The following GFRA1 variants were observed in gnomAD, a reference collection of about 807,000 sequenced individuals.
The protein encoded by GFRA1 is GDNF family receptor alpha-1.
In GFRA1, 16 loss-of-function variants were observed where a neutral mutation model predicts 51.6. The ratio of observed to expected loss-of-function variants is 0.31; its 90% CI spans 0.21 to 0.47. The LOEUF (loss-of-function observed/expected upper bound fraction) is 0.47. GFRA1 is among the 20% of genes least tolerant of loss of function. The pLI is 1.00. For synonymous variants in GFRA1, 270 were observed against 241.3 expected (o/e 1.12, Z -1.10); for missense variants, 530 against 594.3 (o/e 0.89, Z 1.13).
chr10:116,082,470 GT>G (rs200376732), intron 9 of GFRA1, among the ~76,000 whole-genome samples: 4 of 121,022 alleles, frequency 3.3e-5, no homozygotes, highest in Admixed American at 1.5e-4. Flanking sequence ...CCTTGCTTTT[GT>G]TTTTTTTGTT....
intron 10 of GFRA1, 74 bp downstream of exon 10, chr10:116,065,499 T>G: frequency 8.3e-7 from 1 of 1,205,242 alleles, no homozygotes; most frequent in Non-Finnish European, 1.2e-6. Context: ...ATGCTTTATA[T>G]GATACCCTGC....
At position 116,271,685 on chromosome 10, in the gene GFRA1, G is replaced by A. The variant is rs533279126; in HGVS notation, c.40+305C>T. On this transcript the variant is annotated intron_variant, in intron 2 of 10. Transcript: ENST00000355422. Reference sequence around the variant, plus strand: ...CTCCACCTGCCCGCCGCGGCTCCGCGAGCTCCCAGAGACTCTCTGGGGGTG... The same window carrying A: ...CTCCACCTGCCCGCCGCGGCTCCGCAAGCTCCCAGAGACTCTCTGGGGGTG... 3.3e-5 allele frequency among the ~76,000 whole-genome samples: 5 copies of A among 152,286 alleles called. No individual in the cohort carries two copies. The East Asian group carries it at 9.7e-4, about 30-fold the overall frequency.
chr10:116,225,405 C>T (rs1423427226), intron 4 of GFRA1, among the ~76,000 whole-genome samples: 4 of 151,328 alleles, frequency 2.6e-5, no homozygotes, highest in South Asian at 2.1e-4. Flanking sequence ...TGTGGTGGCA[C>T]GCACTTATAG....
intron 6 of GFRA1, among the ~76,000 whole-genome samples, chr10:116,119,871 CCAACTAA>C (rs1421486956): frequency 2.6e-5 from 4 of 152,244 alleles, no homozygotes; most frequent in Admixed American, 2.6e-4. Flanking sequence ...GCCTGATCGA[CCAACTAA>C]CAACATTACA....
At chr10:116,098,285 C>T (rs3824836) in intron 6 of GFRA1, among the ~76,000 whole-genome samples, 5,927 of 152,270 alleles carry the variant, frequency 0.039, 301 homozygotes, top group East Asian at 0.19. Flanking sequence ...CTGGGGTGTG[C>T]GCGTGTGTAC....
At chr10:116,110,711 C>T (rs372679913) in intron 6 of GFRA1, among the ~76,000 whole-genome samples, 2 of 152,184 alleles carry the variant, frequency 1.3e-5, no homozygotes, top group East Asian at 1.9e-4. Flanking sequence ...GGCAACAAAC[C>T]GTTCAATTAC....
chr10:116,173,028 C>A (rs1018405956), intron 5 of GFRA1, among the ~76,000 whole-genome samples: 3 of 152,224 alleles, frequency 2.0e-5, no homozygotes, highest in African/African-American at 7.2e-5. Flanking sequence ...CAACAGTAAT[C>A]TGGATACAGA....
At chr10:116,119,230 G>T (rs1957549620) in intron 6 of GFRA1, among the ~76,000 whole-genome samples, 1 of 152,168 alleles carries the variant, frequency 6.6e-6, no homozygotes, top group East Asian at 1.9e-4. Flanking sequence ...AGCAGCAGAT[G>T]TCAGAGAACC....
intron 5 of GFRA1, among the ~76,000 whole-genome samples, chr10:116,183,450 T>C (rs1162345528): frequency 6.6e-6 from 1 of 152,222 alleles, no homozygotes; most frequent in Non-Finnish European, 1.5e-5. Context: ...AGAGGTTCAC[T>C]TCCTCAAAAT....
At chr10:116,179,537 T>C (rs976107056) in intron 5 of GFRA1, among the ~76,000 whole-genome samples, 32 of 152,208 alleles carry the variant, frequency 2.1e-4, no homozygotes, top group African/African-American at 7.7e-4. Context: ...GGTGTTCTCG[T>C]TCCAGAATCC....
Position 116,061,391 on chromosome 10 carries a change from A to C in GFRA1, c.*3007T>G, listed in dbSNP as rs559111263. 1 of 152,302 alleles carries C rather than the reference A, an allele frequency of 6.6e-6. No individual in the cohort carries two copies. The highest frequency in any genetic ancestry group is 6.5e-5 in the Admixed American group (1 of 15,292). 9.4% of individuals were successfully genotyped at this position (152,302 alleles called of 1,614,324 possible). On this transcript the variant is annotated 3_prime_UTR_variant, in exon 11 of 11. Transcript: ENST00000355422. ...AAAAATCAGGTATGGAAAAATAAAT[A>C]TGTAATTGGCATTCTCAATTCCTTC... is the stretch of plus-strand genomic sequence containing the variant.
chr10:116,158,933 A>G (rs1959450573), intron 5 of GFRA1, among the ~76,000 whole-genome samples: 1 of 152,218 alleles, frequency 6.6e-6, no homozygotes, highest in Non-Finnish European at 1.5e-5. Flanking sequence ...CACAGCACAC[A>G]GACTGGACCC....
intron 6 of GFRA1, among the ~76,000 whole-genome samples, chr10:116,112,928 C>T (rs576301220): frequency 6.6e-6 from 1 of 152,312 alleles, no homozygotes; most frequent in African/African-American, 2.4e-5. Context: ...CTTGGTTCAA[C>T]GAGACCTCAG....
At chr10:116,073,698 G>T (rs1262879613) in intron 9 of GFRA1, among the ~76,000 whole-genome samples, 1 of 152,142 alleles carries the variant, frequency 6.6e-6, no homozygotes, top group Non-Finnish European at 1.5e-5. Context: ...ATTCATTGTT[G>T]TCCCTGATGA....
intron 9 of GFRA1, among the ~76,000 whole-genome samples, chr10:116,071,774 G>A (rs904875187): frequency 2.6e-5 from 4 of 152,130 alleles, no homozygotes; most frequent in African/African-American, 9.7e-5. Context: ...ACTTAGAAAT[G>A]GTATGTCTAT....
intron 6 of GFRA1, among the ~76,000 whole-genome samples, chr10:116,120,388 T>G (rs965915228): frequency 3.3e-5 from 5 of 151,978 alleles, no homozygotes; most frequent in East Asian, 1.9e-4. Flanking sequence ...CTGGGCAACA[T>G]AGCAAGACCC....
chr10:116,229,834 G>A (rs552334622), intron 4 of GFRA1, among the ~76,000 whole-genome samples: 2 of 152,270 alleles, frequency 1.3e-5, no homozygotes, highest in Admixed American at 6.5e-5. Flanking sequence ...TCCTTTTACT[G>A]ACAGATGAGA....
intron 9 of GFRA1, among the ~76,000 whole-genome samples, chr10:116,086,397 C>T (rs1346334847): frequency 2.0e-5 from 3 of 152,172 alleles, no homozygotes; most frequent in African/African-American, 7.2e-5. Context: ...TTACTCTGCT[C>T]CATTTAATCC....
chr10:116,136,110 A>G lies in GFRA1; in HGVS notation c.434-10553T>C, dbSNP rs1157767223. ...TTCTCTGGACCAGAAAAAATATCTC[A>G]GATTTGTGGTCCTTCTACAGACAAA... is the stretch of plus-strand genomic sequence containing the variant. On this transcript the variant is annotated intron_variant, in intron 5 of 10. Coordinates refer to ENST00000355422, the MANE Select transcript of GFRA1 (RefSeq NM_005264.8). Among the ~76,000 whole-genome samples, 4 of 152,248 alleles carry G rather than the reference A, an allele frequency of 2.6e-5. No homozygotes were observed. In the East Asian group the frequency reaches 7.7e-4, roughly 29 times the overall value.
Sources: gnomAD v4.1 joint callset for allele counts (sites outside exome capture counted in the v4.1 genomes callset) on GRCh38, gnomAD v4.1.1 for gene constraint, MANE v1.5 for transcripts, NCBI Gene and HGNC (gene_info 2026-07-23, HGNC 2026-07-21) for gene names.